Variants in TMX3 observed in about 807,000 individuals in gnomAD.
TMX3 encodes the protein protein disulfide-isomerase TMX3.
Under a neutral mutation model 64.4 loss-of-function variants are expected in TMX3, and 40 were observed. That is an observed-to-expected ratio of 0.62 (90% CI 0.48 to 0.81). The LOEUF is 0.81. Among genes scored for constraint, TMX3 ranks in the 30% least tolerant of loss-of-function variants. TMX3 has a pLI of 0.00. For synonymous variants in TMX3, 189 were observed against 175.7 expected (o/e 1.08, Z -0.60); for missense variants, 497 against 534.5 (o/e 0.93, Z 0.69).
intron 14 of TMX3, among the ~76,000 whole-genome samples, chr18:68,680,498 G>A (rs193132238): frequency 1.7e-4 from 26 of 152,132 alleles, no homozygotes; most frequent in Admixed American, 3.3e-4. Context: ...AACTCTCCAC[G>A]GGGGCTTTTA....
At chr18:68,691,121 C>A (rs1438077226) in intron 9 of TMX3, 174 bp downstream of exon 9, 2 of 412,796 alleles carry the variant, frequency 4.8e-6, no homozygotes, top group African/African-American at 2.1e-5. Context: ...ATAAAAATAA[C>A]TAACAATTAT....
At chr18:68,708,519 G>C (rs2030948500) in intron 4 of TMX3, among the ~76,000 whole-genome samples, 1 of 152,060 alleles carries the variant, frequency 6.6e-6, no homozygotes, top group Non-Finnish European at 1.5e-5. Flanking sequence ...TATGGGACAT[G>C]TCTATGAAAA....
chr18:68,681,659 T>G (rs764946544), intron 13 of TMX3: 65 of 984,424 alleles, frequency 6.6e-5, no homozygotes, highest in Non-Finnish European at 7.4e-5. Flanking sequence ...TCGCTCAGTG[T>G]TCTTACTTAG....
chr18:68,692,825 TAACAG>T (rs1914653741), intron 8 of TMX3, among the ~76,000 whole-genome samples: 2 of 152,330 alleles, frequency 1.3e-5, no homozygotes, highest in South Asian at 4.1e-4. Context: ...TATGCTCATG[TAACAG>T]ATGCTACATA....
intron 5 of TMX3, 121 bp downstream of exon 5, chr18:68,701,624 T>C: frequency 6.5e-7 from 1 of 1,540,986 alleles, no homozygotes. Flanking sequence ...ACTTCACCTA[T>C]GAAGAATGGC....
At chr18:68,708,669 G>A (rs1362986813) in intron 4 of TMX3, among the ~76,000 whole-genome samples, 1 of 152,086 alleles carries the variant, frequency 6.6e-6, no homozygotes, top group East Asian at 1.9e-4. Flanking sequence ...AAAAGCTGCT[G>A]ACAAAATTAT....
intron 4 of TMX3, among the ~76,000 whole-genome samples, chr18:68,703,208 A>G (rs1299868236): frequency 6.6e-6 from 1 of 152,236 alleles, no homozygotes; most frequent in Non-Finnish European, 1.5e-5. Context: ...TTCCAAATTA[A>G]GAAGACAGGG....
intron 9 of TMX3, chr18:68,688,099 A>T (rs1914142621): frequency 5.9e-6 from 1 of 169,752 alleles, no homozygotes. Flanking sequence ...AATTGAACAG[A>T]TTACAAAACA....
intron 9 of TMX3, chr18:68,688,895 A>C (rs1032074237): frequency 6.6e-6 from 1 of 152,222 alleles, no homozygotes; most frequent in Non-Finnish European, 1.5e-5. Flanking sequence ...AATAACAGAC[A>C]CTAGGGAGAT....
chr18:68,715,079 C>A lies in TMX3; in HGVS notation c.-98G>T. On this transcript the variant is annotated 5_prime_UTR_variant, in exon 1 of 16. Transcript: ENST00000299608. ...GCCCGGAAAGGGAAACGGAGCCGAC[C>A]CGGAGCGGAAGAGAAGCACCGCGCT... The A allele has an allele frequency of 6.5e-7, 1 of 1,540,106 alleles. No individual in the cohort carries two copies. Among genetic ancestry groups the A allele is most frequent in the Non-Finnish European group, 8.8e-7 (1 of 1,141,302 alleles).
At chr18:68,690,553 G>A (rs1914415701) in intron 9 of TMX3, among the ~76,000 whole-genome samples, 1 of 152,146 alleles carries the variant, frequency 6.6e-6, no homozygotes, top group South Asian at 2.1e-4. Context: ...AAAATACCAA[G>A]GAATGATGTC....
intron 14 of TMX3, among the ~76,000 whole-genome samples, chr18:68,680,765 C>T (rs373660608): frequency 6.6e-6 from 1 of 152,160 alleles, no homozygotes; most frequent in Non-Finnish European, 1.5e-5. Flanking sequence ...AAGGACACTT[C>T]CATCTTTAGC....
Position 68,691,340 on chromosome 18 carries a change from G to A in TMX3, c.592C>T (p.Pro198Ser), listed in dbSNP as rs1419668223. The A allele has an allele frequency of 2.5e-6, 4 of 1,571,850 alleles. No homozygotes were observed. The highest frequency in any genetic ancestry group is 1.2e-5 in the South Asian group (1 of 84,022). ...VPEYVTLKEM[P>S]AVLVFKDETY... ...TCATCTTTGAAAACAAGCACAGCTG[G>A]CATCTCTTTTAGTGTCACATACTGC... Residue 198 changes from proline to serine, a missense_variant, in exon 9 of 16, where the codon CCA (proline) becomes TCA (serine). This residue lies in a region of TMX3 where 360 missense variants were observed against 383.5 expected (regional missense o/e 0.94). Transcript: ENST00000299608.
At chr18:68,690,859 TG>T (rs1278848288) in intron 9 of TMX3, among the ~76,000 whole-genome samples, 1 of 152,210 alleles carries the variant, frequency 6.6e-6, no homozygotes, top group Non-Finnish European at 1.5e-5. Flanking sequence ...GAAGAAATGC[TG>T]AATAGCAGGT....
intron 10 of TMX3, among the ~76,000 whole-genome samples, chr18:68,686,385 C>A (rs893455087): frequency 6.6e-6 from 1 of 152,164 alleles, no homozygotes; most frequent in South Asian, 2.1e-4. Context: ...TATATTCCTA[C>A]ATTTCCCCCT....
chr18:68,714,820 G>T (rs922073393), intron 1 of TMX3, 116 bp downstream of exon 1: 52 of 1,373,634 alleles, frequency 3.8e-5, no homozygotes, highest in Non-Finnish European at 4.8e-5. Flanking sequence ...CCGGGAATGG[G>T]TGGGCATCTC....
Position 68,687,654 on chromosome 18 carries a change from A to T in TMX3, c.736+13T>A. The T allele has an allele frequency of 6.3e-7, 1 of 1,599,684 alleles. No homozygotes were observed. Among genetic ancestry groups the T allele is most frequent in the Non-Finnish European group, 8.5e-7 (1 of 1,174,636 alleles). ...CATGTAACATAATGGAGACTTGTACATATGCTTGTTACCTGTGTCTCCAAG... is the reference window on the plus strand; with the variant it reads ...CATGTAACATAATGGAGACTTGTACTTATGCTTGTTACCTGTGTCTCCAAG... On this transcript the variant is annotated intron_variant, in intron 10 of 15. Coordinates refer to ENST00000299608, the MANE Select transcript of TMX3 (RefSeq NM_019022.5).
Position 68,684,440 on chromosome 18 carries a change from ACTGATGTATTTTT to A in TMX3, c.769_781del (p.Lys257LeufsTer6). On this transcript the variant is annotated frameshift_variant, in exon 11 of 16. Coordinates refer to ENST00000299608, the MANE Select transcript of TMX3 (RefSeq NM_019022.5). LOFTEE classifies it high-confidence loss of function. ...CAAGGCATTATACCTGGTATGTTCA[ACTGATGTATTTTT>A]CTCATCAATAACTGCAAGAGCCACA... is the stretch of plus-strand genomic sequence containing the variant. The A allele has an allele frequency of 6.2e-7, 1 of 1,612,994 alleles. No homozygotes were observed. Among genetic ancestry groups the A allele is most frequent in the Non-Finnish European group, 8.5e-7 (1 of 1,179,504 alleles).
chr18:68,710,976 T>A (rs1187986027), intron 3 of TMX3, among the ~76,000 whole-genome samples: 1 of 152,180 alleles, frequency 6.6e-6, no homozygotes, highest in Non-Finnish European at 1.5e-5. Flanking sequence ...ACTGTTAAGA[T>A]GAAAATATGA....
Sources: allele counts gnomAD v4.1 joint callset (sites outside exome capture counted in the v4.1 genomes callset), GRCh38; gene constraint gnomAD v4.1.1; regional missense constraint gnomAD v4.1.1; transcripts MANE v1.5; gene names NCBI Gene and HGNC (gene_info 2026-07-23, HGNC 2026-07-21).